Variants in FAN1 observed in about 807,000 individuals in gnomAD.
FAN1 encodes FANCD2 and FANCI associated nuclease 1, also known as fanconi-associated nuclease 1.
Under a neutral mutation model 104.9 loss-of-function variants are expected in FAN1, and 91 were observed. That is an observed-to-expected ratio of 0.87 (90% CI 0.73 to 1.03). The LOEUF is 1.03. FAN1 is among the 50% of genes least tolerant of loss of function. The probability of loss-of-function intolerance (pLI) is 0.00; values close to 1 mark genes in which losing one functional copy is unlikely to be tolerated. For synonymous variants in FAN1, 478 were observed against 457.6 expected (o/e 1.04, Z -0.57); for missense variants, 1,263 against 1,239.9 (o/e 1.02, Z -0.28).
chr15:30,928,085 G>T, intron 10 of FAN1: 1 of 1,001,128 alleles, frequency 1.0e-6, no homozygotes, highest in African/African-American at 1.7e-5. Flanking sequence ...AAGAACGGAG[G>T]TGGCTGCTGC....
At chr15:30,907,769 C>G (rs560970185) in intron 2 of FAN1, among the ~76,000 whole-genome samples, 1 of 152,286 alleles carries the variant, frequency 6.6e-6, no homozygotes, top group East Asian at 1.9e-4. Context: ...GACTGCCCTA[C>G]TGAAGCTAGA....
intron 10 of FAN1, chr15:30,927,462 G>A: frequency 1.0e-6 from 1 of 985,642 alleles, no homozygotes; most frequent in South Asian, 4.7e-5. Flanking sequence ...GAACTGACAG[G>A]AAGACAGGAC....
Position 30,942,188 on chromosome 15 carries a change from G to C in FAN1, c.*626G>C, listed in dbSNP as rs899787723. On this transcript the variant is annotated 3_prime_UTR_variant, in exon 15 of 15. Transcript: ENST00000362065. Reference sequence around the variant, plus strand: ...AAATTAATGGAATTTCAGCCTCAAAGAACATTTTCCTCCCTTCCTTTGTGT... The same window carrying C: ...AAATTAATGGAATTTCAGCCTCAAACAACATTTTCCTCCCTTCCTTTGTGT... 1.6e-6 allele frequency: 2 copies of C among 1,282,576 alleles called. No individual in the cohort carries two copies. The highest frequency in any genetic ancestry group is 2.3e-5 in the Admixed American group (1 of 44,158). The allele number at this position is 1,282,576 out of a possible 1,614,324, so 79.4% of individuals were successfully genotyped here.
At chr15:30,912,094 G>A (rs1165719250) in intron 4 of FAN1, among the ~76,000 whole-genome samples, 1 of 151,542 alleles carries the variant, frequency 6.6e-6, no homozygotes, top group Non-Finnish European at 1.5e-5. Context: ...GCCCTTTCTT[G>A]GTATATGCAC....
chr15:30,908,856 C>T (rs2062037844), intron 3 of FAN1, among the ~76,000 whole-genome samples: 1 of 152,148 alleles, frequency 6.6e-6, no homozygotes, highest in African/African-American at 2.4e-5. Flanking sequence ...AAAATGGATA[C>T]ATCCCTTCTT....
intron 12 of FAN1, among the ~76,000 whole-genome samples, 192 bp from the exon 13 acceptor site, chr15:30,930,351 C>G (rs1331539508): frequency 6.6e-6 from 1 of 152,188 alleles, no homozygotes; most frequent in Non-Finnish European, 1.5e-5. Context: ...AGTCTCCCAC[C>G]ACTTGCCAGT....
rs1285765858 is a variant in FAN1, at chr15:30,942,870, T to TTTTG, written c.*1311_*1314dup. Reference sequence around the variant, plus strand: ...TGGTTACGTGTGAGCCAACATCACGTTTTGTTAGCTGTGATTTACCTTTGT... The same window carrying TTTTG: ...TGGTTACGTGTGAGCCAACATCACGTTTTGTTTGTTAGCTGTGATTTACCTTTGT... On this transcript the variant is annotated 3_prime_UTR_variant, in exon 15 of 15. Coordinates refer to ENST00000362065, the MANE Select transcript of FAN1 (RefSeq NM_014967.5). 1.9e-6 allele frequency: 3 copies of TTTTG among 1,547,298 alleles called. No homozygotes were observed. The highest frequency in any genetic ancestry group is 2.4e-5 in the East Asian group (1 of 41,958).
intron 12 of FAN1, among the ~76,000 whole-genome samples, chr15:30,929,878 ATAAT>A (rs1227521896): frequency 1.1e-5 from 1 of 94,536 alleles, no homozygotes; most frequent in Non-Finnish European, 1.8e-5. Context: ...TATAAAATAT[ATAAT>A]ATATATCATA....
chr15:30,925,661 C>A (rs903101782), intron 9 of FAN1, 128 bp from the exon 10 acceptor site: 6 of 1,059,506 alleles, frequency 5.7e-6, no homozygotes, highest in Non-Finnish European at 8.4e-6. Flanking sequence ...GTGTGAGCCC[C>A]ACGCTGTGTG....
At position 30,942,209 on chromosome 15, in the gene FAN1, T is replaced by C; in HGVS notation, c.*647T>C. 1 of 1,073,714 alleles carries C rather than the reference T, an allele frequency of 9.3e-7. No individual in the cohort carries two copies. The highest frequency in any genetic ancestry group is 1.3e-6 in the Non-Finnish European group (1 of 747,462). 66.5% of individuals were successfully genotyped at this position (1,073,714 alleles called of 1,614,324 possible). ...CAAAGAACATTTTCCTCCCTTCCTT[T>C]GTGTCCTTATTCTAATCCTCCTCCC... On this transcript the variant is annotated 3_prime_UTR_variant, in exon 15 of 15. Transcript: ENST00000362065.
chr15:30,929,853 A>G (rs1363234491), intron 12 of FAN1, among the ~76,000 whole-genome samples: 1 of 76,296 alleles, frequency 1.3e-5, no homozygotes, highest in Non-Finnish European at 2.2e-5. Flanking sequence ...TAAAATATAT[A>G]TCATATATAA....
chr15:30,915,566 C>T (rs1334456662), intron 5 of FAN1, among the ~76,000 whole-genome samples: 10 of 152,024 alleles, frequency 6.6e-5, no homozygotes, highest in South Asian at 4.2e-4. Flanking sequence ...TCCAGAAATT[C>T]GGGACTAGCC....
chr15:30,924,902 C>T (rs755538503), intron 8 of FAN1, among the ~76,000 whole-genome samples: 2 of 152,146 alleles, frequency 1.3e-5, no homozygotes, highest in Non-Finnish European at 2.9e-5. Context: ...GATTACAGCC[C>T]GGTCACGCTC....
chr15:30,905,564 T>G lies in FAN1; in HGVS notation c.901T>G (p.Cys301Gly), dbSNP rs760167641. Residue 301 changes from cysteine to glycine, a missense_variant, in exon 2 of 15, where the codon TGT becomes GGT. Around this residue, in one of 2 missense-constraint regions of FAN1, gnomAD observed 682 missense variants for 571.1 expected, o/e 1.19. Transcript: ENST00000362065. ...EVVEKREACH[C>G]EEVKMTVASE... ...GGTTGAAAAACGTGAGGCATGTCAT[T>G]GTGAAGAAGTAAAAATGACTGTTGC... 6.2e-7 allele frequency: 1 copy of G among 1,613,982 alleles called. No homozygotes were observed. The highest frequency in any genetic ancestry group is 8.5e-7 in the Non-Finnish European group (1 of 1,179,858).
At chr15:30,934,160 T>C (rs1198111762) in intron 13 of FAN1, among the ~76,000 whole-genome samples, 3 of 152,222 alleles carry the variant, frequency 2.0e-5, no homozygotes, top group Admixed American at 6.5e-5. Context: ...CCTTTTATCA[T>C]TATGCAGTGA....
intron 13 of FAN1, among the ~76,000 whole-genome samples, chr15:30,934,555 G>A (rs1485856909): frequency 6.6e-6 from 1 of 151,788 alleles, no homozygotes; most frequent in African/African-American, 2.4e-5. Flanking sequence ...TGTGGTTTTT[G>A]TATTTTTTAG....
In FAN1 at chr15:30,926,660, A is replaced by G. The variant is rs150303967; in HGVS notation, c.2488+721A>G. ...TGCAAATGCCAGTGAAGACAGAGAG[A>G]TACAGTAGGCCTGAAATGGTTAGAA... is the stretch of plus-strand genomic sequence containing the variant. On this transcript the variant is annotated intron_variant, in intron 10 of 14. Transcript: ENST00000362065. The G allele has an allele frequency of 3.0e-4, 295 of 985,364 alleles. No individual in the cohort carries two copies. In the African/African-American group the frequency reaches 4.7e-3, roughly 16 times the overall value. 61.0% of individuals were successfully genotyped at this position (985,364 alleles called of 1,614,324 possible). A position where few individuals can be genotyped will look rare whatever the true frequency, so the allele number is the denominator to read the frequency against.
At chr15:30,908,858 T>G (rs1473464464) in intron 3 of FAN1, among the ~76,000 whole-genome samples, 1 of 152,138 alleles carries the variant, frequency 6.6e-6, no homozygotes, top group Non-Finnish European at 1.5e-5. Context: ...AATGGATACA[T>G]CCCTTCTTGG....
Position 30,932,090 on chromosome 15 carries a change from C to T in FAN1, c.2916+1419C>T, listed in dbSNP as rs553706071. Reference sequence around the variant, plus strand: ...ACAAAAAATTAGCCGGGTGTGGTGGCGGGCGCCTGTAGTCCCAGCTACTTG... The same window carrying T: ...ACAAAAAATTAGCCGGGTGTGGTGGTGGGCGCCTGTAGTCCCAGCTACTTG... On this transcript the variant is annotated intron_variant, in intron 13 of 14. Coordinates refer to ENST00000362065, the MANE Select transcript of FAN1 (RefSeq NM_014967.5). Among the ~76,000 whole-genome samples the T allele has an allele frequency of 4.9e-3, 741 of 151,700 alleles. 1 individual carries two copies. Among genetic ancestry groups the T allele is most frequent in the Non-Finnish European group, 7.9e-3 (537 of 67,874 alleles).
Sources: allele counts gnomAD v4.1 joint callset (sites outside exome capture counted in the v4.1 genomes callset), GRCh38; gene constraint gnomAD v4.1.1; regional missense constraint gnomAD v4.1.1; transcripts MANE v1.5; gene names NCBI Gene and HGNC (gene_info 2026-07-23, HGNC 2026-07-21).